The following ST6GALNAC3 variants were observed in gnomAD, a reference collection of about 807,000 sequenced individuals.
ST6GALNAC3 encodes the protein alpha-N-acetylgalactosaminide alpha-2,6-sialyltransferase 3.
In ST6GALNAC3, 25 loss-of-function variants were observed where a neutral mutation model predicts 32.7. The ratio of observed to expected loss-of-function variants is 0.76; its 90% CI spans 0.56 to 1.07. ST6GALNAC3 has a LOEUF of 1.07. Among genes scored for constraint, ST6GALNAC3 ranks in the 50% least tolerant of loss-of-function variants. ST6GALNAC3 has a pLI of 0.00. For missense variants in ST6GALNAC3, 355 were observed against 382.4 expected (o/e 0.93, Z 0.60); for synonymous variants, 129 against 133.1 (o/e 0.97, Z 0.21).
intron 1 of ST6GALNAC3, among the ~76,000 whole-genome samples, chr1:76,196,298 C>T (rs527322848): frequency 2.0e-5 from 3 of 152,160 alleles, no homozygotes; most frequent in African/African-American, 7.2e-5. Context: ...CTAAGGAAGT[C>T]GGAGATGGGG....
chr1:76,494,550 AAC>A (rs55892265), intron 3 of ST6GALNAC3, among the ~76,000 whole-genome samples: 6,989 of 63,656 alleles, frequency 0.11, 607 homozygotes, highest in African/African-American at 0.25. Context: ...CATGTGTATA[AAC>A]ACACACACAC....
At chr1:76,271,088 T>A (rs1326230077) in intron 1 of ST6GALNAC3, among the ~76,000 whole-genome samples, 5 of 152,182 alleles carry the variant, frequency 3.3e-5, no homozygotes, top group Admixed American at 2.0e-4. Context: ...TATAAATTGA[T>A]CCTCATATTG....
chr1:76,577,012 A>G (rs1646821317), intron 3 of ST6GALNAC3: 1 of 1,204,120 alleles, frequency 8.3e-7, no homozygotes, highest in Admixed American at 3.1e-5. Context: ...TGGTTCAAAG[A>G]TTAAGATTGT....
At chr1:76,565,229 G>A (rs1046251327) in intron 3 of ST6GALNAC3, among the ~76,000 whole-genome samples, 6 of 152,104 alleles carry the variant, frequency 3.9e-5, no homozygotes, top group South Asian at 2.1e-4. Flanking sequence ...ACCAAACACT[G>A]TCCTCCTGCT....
intron 3 of ST6GALNAC3, among the ~76,000 whole-genome samples, chr1:76,600,478 G>C (rs1014791208): frequency 2.0e-5 from 3 of 152,026 alleles, no homozygotes; most frequent in African/African-American, 7.2e-5. Context: ...TACTTACATT[G>C]TGCTGGGGAC....
At chr1:76,361,888 G>C (rs1310321141) in intron 2 of ST6GALNAC3, among the ~76,000 whole-genome samples, 1 of 150,594 alleles carries the variant, frequency 6.6e-6, no homozygotes, top group Non-Finnish European at 1.5e-5. Context: ...TGAAGCAGGA[G>C]AATCACTTGA....
intron 3 of ST6GALNAC3, among the ~76,000 whole-genome samples, chr1:76,497,322 T>A (rs932884463): frequency 1.3e-5 from 2 of 152,104 alleles, no homozygotes; most frequent in Non-Finnish European, 2.9e-5. Context: ...TGGGGAGCCT[T>A]CCCAATCTAC....
intron 3 of ST6GALNAC3, among the ~76,000 whole-genome samples, chr1:76,422,709 T>C (rs543582396): frequency 6.6e-6 from 1 of 152,110 alleles, no homozygotes; most frequent in Non-Finnish European, 1.5e-5. Context: ...GGTCCTGGGA[T>C]CACACTTCAA....
chr1:76,514,469 G>T (rs1662054666), intron 3 of ST6GALNAC3, among the ~76,000 whole-genome samples: 1 of 152,092 alleles, frequency 6.6e-6, no homozygotes, highest in South Asian at 2.1e-4. Flanking sequence ...GGGTGTTTTG[G>T]TTATGGGACA....
At chr1:76,214,221 A>C (rs1655333448) in intron 1 of ST6GALNAC3, among the ~76,000 whole-genome samples, 1 of 152,162 alleles carries the variant, frequency 6.6e-6, no homozygotes, top group Admixed American at 6.5e-5. Flanking sequence ...CACTAGCCAC[A>C]TTTCAAGAAT....
At chr1:76,100,900 G>A (rs1647209641) in intron 1 of ST6GALNAC3, among the ~76,000 whole-genome samples, 1 of 151,438 alleles carries the variant, frequency 6.6e-6, no homozygotes, top group African/African-American at 2.4e-5. Flanking sequence ...ACAAAATTGA[G>A]CAGAAGGTAC....
chr1:76,446,734 TA>T (rs1384415131), intron 3 of ST6GALNAC3, among the ~76,000 whole-genome samples: 1 of 152,184 alleles, frequency 6.6e-6, no homozygotes, highest in East Asian at 1.9e-4. Flanking sequence ...CTGATGGTTT[TA>T]AAAATGGGAG....
At chr1:76,635,952 G>T (rs1649494643), downstream of ST6GALNAC3, among the ~76,000 whole-genome samples, 1 of 152,162 alleles carries the variant, frequency 6.6e-6, no homozygotes, top group South Asian at 2.1e-4. Flanking sequence ...TGAACATGTA[G>T]CTCTTTCTGC....
intron 3 of ST6GALNAC3, among the ~76,000 whole-genome samples, chr1:76,601,915 A>G (rs184773692): frequency 5.3e-5 from 8 of 152,290 alleles, no homozygotes; most frequent in East Asian, 3.9e-4. Context: ...GCAAAATCCA[A>G]TACTGGGTCC....
intron 2 of ST6GALNAC3, among the ~76,000 whole-genome samples, chr1:76,383,980 G>T (rs1427025388): frequency 6.6e-6 from 1 of 152,022 alleles, no homozygotes; most frequent in African/African-American, 2.4e-5. Flanking sequence ...AAAGCCAGGA[G>T]AAAAATATAG....
Position 76,629,379 on chromosome 1 carries a change from A to G in ST6GALNAC3, c.*573A>G, listed in dbSNP as rs140422746. ...TTTCCTACAGCTAAAGCCTCAGGCC[A>G]TTGCCTAATTAACAATGAAGATTTC... On this transcript the variant is annotated 3_prime_UTR_variant, in exon 5 of 5. Coordinates refer to ENST00000328299, the MANE Select transcript of ST6GALNAC3 (RefSeq NM_152996.4). The G allele has an allele frequency of 0.013, 13,070 of 985,346 alleles. 113 individuals are homozygous for G. Among genetic ancestry groups the G allele is most frequent in the Middle Eastern group, 0.034 (66 of 1,914 alleles). The allele number at this position is 985,346 out of a possible 1,614,324, so 61.0% of individuals were successfully genotyped here.
At chr1:76,543,527 C>A (rs375465329) in intron 3 of ST6GALNAC3, among the ~76,000 whole-genome samples, 1 of 152,144 alleles carries the variant, frequency 6.6e-6, no homozygotes, top group East Asian at 1.9e-4. Context: ...TTCCAAAATG[C>A]AAAGCTTAAA....
rs944126975 is a variant in ST6GALNAC3 at position 76,634,147 on chromosome 1, C to T, written c.*5341C>T. ...CCACAGATACATCTCTTTTTGTTCA[C>T]GCCTTGAAGACTTCAGAAAAATAGA... On this transcript the variant is annotated 3_prime_UTR_variant, in exon 5 of 5. Coordinates refer to ENST00000328299, the MANE Select transcript of ST6GALNAC3 (RefSeq NM_152996.4). The T allele has an allele frequency of 3.0e-6, 3 of 984,480 alleles. No individual in the cohort carries two copies. Among genetic ancestry groups the T allele is most frequent in the African/African-American group, 1.8e-5 (1 of 56,994 alleles). 61.0% of individuals were successfully genotyped at this position (984,480 alleles called of 1,614,324 possible).
intron 3 of ST6GALNAC3, among the ~76,000 whole-genome samples, chr1:76,457,689 A>T (rs978547437): frequency 6.6e-6 from 1 of 152,150 alleles, no homozygotes; most frequent in African/African-American, 2.4e-5. Context: ...ATATGTAGAA[A>T]GCTGAAACTG....
Sources: gnomAD v4.1 joint callset for allele counts (sites outside exome capture counted in the v4.1 genomes callset) on GRCh38, gnomAD v4.1.1 for gene constraint, MANE v1.5 for transcripts, NCBI Gene and HGNC (gene_info 2026-07-23, HGNC 2026-07-21) for gene names.